Variants in MMRN2 observed in about 807,000 individuals in gnomAD.
The protein encoded by MMRN2 is multimerin-2.
A neutral mutation model predicts 68.8 loss-of-function variants in MMRN2; 53 were observed. The ratio of observed to expected loss-of-function variants is 0.77; its 90% CI spans 0.62 to 0.97. MMRN2 has a LOEUF of 0.97. Among genes scored for constraint, MMRN2 ranks in the 50% least tolerant of loss-of-function variants. The pLI, the probability that MMRN2 is intolerant of heterozygous loss-of-function variation, is 0.00. For synonymous variants in MMRN2, 564 were observed against 551.6 expected (o/e 1.02, Z -0.32); for missense variants, 1,266 against 1,259.5 (o/e 1.01, Z -0.08).
At chr10:86,952,915 G>A (rs573998050) in intron 1 of MMRN2, among the ~76,000 whole-genome samples, 6 of 152,238 alleles carry the variant, frequency 3.9e-5, no homozygotes, top group African/African-American at 7.2e-5. Flanking sequence ...CAGAGCGGCC[G>A]TTTATAGACC....
At chr10:86,941,383 A>T (rs1843961122) in intron 6 of MMRN2, among the ~76,000 whole-genome samples, 1 of 152,226 alleles carries the variant, frequency 6.6e-6, no homozygotes, top group Admixed American at 6.5e-5. Context: ...TGACAATAAT[A>T]ATAAAATATA....
In MMRN2 at chr10:86,943,791, G is replaced by A. The variant is rs200423909; in HGVS notation, c.993C>T (p.Ala331=). 8.7e-6 allele frequency: 14 copies of A among 1,609,456 alleles called. No individual in the cohort carries two copies. In the Middle Eastern group the frequency reaches 4.9e-4, roughly 57 times the overall value. ...TLHRSISELQ[A]DVDTKLKRLH... is the part of the protein sequence containing the mutation. ...GCCTCTTCAATTTGGTGTCCACATC[G>A]GCTTGGAGCTCTGAGATCGAGCGGT... The change falls in exon 6 of 7, where the codon GCC becomes GCT. Residue 331 remains alanine, a synonymous_variant. Transcript: ENST00000372027. The surrounding 1 kb of genome is among the most constrained non-coding windows in gnomAD (Gnocchi z 4.2).
chr10:86,945,176 A>G lies in MMRN2; in HGVS notation c.481+12T>C. On this transcript the variant is annotated intron_variant, in intron 4 of 6. Transcript: ENST00000372027. Reference sequence around the variant, plus strand: ...CAGCCTGCCTGCCTTCCCCTTCCGGAAAGCAACACACCAGGTTTGAAGCTG... The same window carrying G: ...CAGCCTGCCTGCCTTCCCCTTCCGGGAAGCAACACACCAGGTTTGAAGCTG... 6.2e-7 allele frequency: 1 copy of G among 1,613,164 alleles called. No individual in the cohort carries two copies. Among genetic ancestry groups the G allele is most frequent in the South Asian group, 1.1e-5 (1 of 91,064 alleles).
chr10:86,949,439 G>A (rs181717748), intron 1 of MMRN2: 2 of 151,772 alleles, frequency 1.3e-5, no homozygotes, highest in East Asian at 3.9e-4. Context: ...GCTTGCACCT[G>A]TAATCCCAGA....
chr10:86,939,038 T>A (rs1439788939), intron 6 of MMRN2, among the ~76,000 whole-genome samples: 1 of 151,816 alleles, frequency 6.6e-6, no homozygotes, highest in Non-Finnish European at 1.5e-5. Context: ...GGGGCATACC[T>A]GTAATCCCAG....
chr10:86,944,192 C>A, intron 5 of MMRN2, 64 bp from the exon 6 acceptor site: 1 of 1,591,668 alleles, frequency 6.3e-7, no homozygotes, highest in Non-Finnish European at 8.6e-7. Flanking sequence ...AGGCTGGGAC[C>A]AGCGGGGTCC....
chr10:86,939,675 A>AC (rs371629226), intron 6 of MMRN2, among the ~76,000 whole-genome samples: 1,859 of 151,148 alleles, frequency 0.012, 46 homozygotes, highest in African/African-American at 0.042. Context: ...AGAGACCCCC[A>AC]CCCCAACCCA....
chr10:86,949,460 A>T (rs1203653476), intron 1 of MMRN2: 1 of 151,962 alleles, frequency 6.6e-6, no homozygotes, highest in East Asian at 1.9e-4. Flanking sequence ...TACTCAAGTG[A>T]CTGAGGTGGG....
intron 1 of MMRN2, among the ~76,000 whole-genome samples, chr10:86,955,400 C>T (rs1844208041): frequency 6.6e-6 from 1 of 152,220 alleles, no homozygotes; most frequent in Non-Finnish European, 1.5e-5. Flanking sequence ...AACCCCTTCG[C>T]TTCTCCACCT....
intron 1 of MMRN2, among the ~76,000 whole-genome samples, chr10:86,950,527 G>T (rs1243892015): frequency 1.3e-5 from 2 of 152,106 alleles, no homozygotes; most frequent in Non-Finnish European, 2.9e-5. Flanking sequence ...GAAAGCACAA[G>T]ATCAGGAAAC....
intron 1 of MMRN2, among the ~76,000 whole-genome samples, chr10:86,955,643 G>A (rs1844211263): frequency 6.6e-6 from 1 of 152,242 alleles, no homozygotes; most frequent in Non-Finnish European, 1.5e-5. Context: ...GCAGGGACAG[G>A]GTCTGGAGCA....
In MMRN2 at chr10:86,937,032, C is replaced by T. The variant is rs1843889745; in HGVS notation, c.2561G>A (p.Ser854Asn). The T allele has an allele frequency of 3.1e-6, 5 of 1,614,102 alleles. No individual in the cohort carries two copies. Among genetic ancestry groups the T allele is most frequent in the Middle Eastern group, 1.6e-4 (1 of 6,084 alleles). The change falls in exon 7 of 7, where the codon AGC becomes AAC. Residue 854 changes from serine to asparagine, a missense_variant. By Grantham distance (46) the Ser-to-Asn change is conservative. Coordinates refer to ENST00000372027, the MANE Select transcript of MMRN2 (RefSeq NM_024756.3). ...GAAGTAGCCATGTTCAGGGAAGTAG[C>T]TGCTGCCAATGTTGATGTATGTGGT... is the stretch of plus-strand genomic sequence containing the variant. The part of the protein sequence containing the change: ...FNTTYINIGS[S>N]YFPEHGYFRA...
chr10:86,936,740 G>A lies in MMRN2; in HGVS notation c.*3C>T. ...TGATGTCTGATCAGATTGGGGCTGG[G>A]GTTCAGGTCTTAAACATCAGGAAGC... On this transcript the variant is annotated 3_prime_UTR_variant, in exon 7 of 7. Coordinates refer to ENST00000372027, the MANE Select transcript of MMRN2 (RefSeq NM_024756.3). 6.2e-7 allele frequency: 1 copy of A among 1,613,636 alleles called. No homozygotes were observed. Among genetic ancestry groups the A allele is most frequent in the Non-Finnish European group, 8.5e-7 (1 of 1,179,614 alleles).
chr10:86,939,839 T>TTTGTGTG (rs1843941862), intron 6 of MMRN2, among the ~76,000 whole-genome samples: 8 of 120,290 alleles, frequency 6.7e-5, no homozygotes, highest in African/African-American at 2.3e-4. Context: ...GTGTGTGTGT[T>TTTGTGTG]TGTGTGTGTG....
At chr10:86,956,487 G>T (rs1316499870) in intron 1 of MMRN2, among the ~76,000 whole-genome samples, 3 of 152,176 alleles carry the variant, frequency 2.0e-5, no homozygotes, top group African/African-American at 7.2e-5. Context: ...AACAGGTCTG[G>T]TGTGTGGGGG....
At chr10:86,953,606 C>A (rs992448762) in intron 1 of MMRN2, among the ~76,000 whole-genome samples, 1 of 152,162 alleles carries the variant, frequency 6.6e-6, no homozygotes. Context: ...GGGTGCTACT[C>A]ATGACTAGGT....
At chr10:86,938,584 C>T (rs1035570618) in intron 6 of MMRN2, among the ~76,000 whole-genome samples, 7 of 152,246 alleles carry the variant, frequency 4.6e-5, no homozygotes, top group Admixed American at 1.3e-4. Flanking sequence ...CTGGCTGTGA[C>T]ACTGGCCTTG....
chr10:86,948,962 A>G (rs1203514403), intron 1 of MMRN2: 1 of 152,244 alleles, frequency 6.6e-6, no homozygotes, highest in Non-Finnish European at 1.5e-5. Context: ...TCTCAACAAC[A>G]AACAAAAAAC....
At chr10:86,942,214 C>T in intron 6 of MMRN2, 103 bp downstream of exon 6, 1 of 1,368,768 alleles carries the variant, frequency 7.3e-7, no homozygotes, top group Non-Finnish European at 9.8e-7. Context: ...GACGGATGGC[C>T]ATCCTGTTCT....
Sources: gnomAD v4.1 joint callset for allele counts (sites outside exome capture counted in the v4.1 genomes callset) on GRCh38, gnomAD v4.1.1 for gene constraint, Gnocchi (gnomAD v3.1) non-coding constraint, MANE v1.5 for transcripts, NCBI Gene and HGNC (gene_info 2026-07-23, HGNC 2026-07-21) for gene names.